Variants in SLC24A1 observed in about 807,000 individuals in gnomAD.
SLC24A1 encodes sodium/potassium/calcium exchanger 1.
Under a neutral mutation model 88.1 loss-of-function variants are expected in SLC24A1, and 52 were observed. The observed-to-expected ratio is 0.59, with a 90% CI of 0.47 to 0.74. The LOEUF is 0.74. Among genes scored for constraint, SLC24A1 ranks in the 30% least tolerant of loss-of-function variants. SLC24A1 has a pLI of 0.00. For synonymous variants in SLC24A1, 455 were observed against 498.0 expected, an observed-to-expected ratio of 0.91 and a Z score of 1.15; for missense variants, 1,173 against 1,363.3, an observed-to-expected ratio of 0.86 and a Z score of 2.20.
upstream of SLC24A1, among the ~76,000 whole-genome samples, chr15:65,618,562 A>G (rs2074222698): frequency 6.6e-6 from 1 of 152,234 alleles, no homozygotes; most frequent in South Asian, 2.1e-4. Flanking sequence ...TCTGGCATAT[A>G]GGAGGGACAT....
At chr15:65,636,009 A>G (rs1721402825) in intron 2 of SLC24A1, among the ~76,000 whole-genome samples, 2 of 152,228 alleles carry the variant, frequency 1.3e-5, no homozygotes, top group South Asian at 4.1e-4. Flanking sequence ...GCCCTAGATC[A>G]AGCACTATTT....
intron 6 of SLC24A1, among the ~76,000 whole-genome samples, chr15:65,647,917 A>G (rs1266629197): frequency 3.9e-5 from 6 of 152,196 alleles, no homozygotes; most frequent in Admixed American, 3.9e-4. Flanking sequence ...CCCACCCTCA[A>G]CCAATGAAGT....
At chr15:65,628,541 C>T (rs74021153) in intron 2 of SLC24A1, among the ~76,000 whole-genome samples, 85 of 152,328 alleles carry the variant, frequency 5.6e-4, no homozygotes, top group African/African-American at 2.0e-3. Flanking sequence ...TCCATACATA[C>T]ATTGTCTTAA....
At chr15:65,637,404 A>G (rs1212606658) in intron 2 of SLC24A1, among the ~76,000 whole-genome samples, 1 of 152,228 alleles carries the variant, frequency 6.6e-6, no homozygotes, top group African/African-American at 2.4e-5. Context: ...GGAAAGCTTC[A>G]TACAAGAATT....
chr15:65,648,119 G>A (rs2075368765), intron 6 of SLC24A1, among the ~76,000 whole-genome samples: 1 of 152,194 alleles, frequency 6.6e-6, no homozygotes, highest in South Asian at 2.1e-4. Context: ...AATTAGCCAG[G>A]TGTGGTGGCA....
chr15:65,644,937 A>C (rs2075255843), intron 5 of SLC24A1, among the ~76,000 whole-genome samples: 2 of 152,196 alleles, frequency 1.3e-5, no homozygotes, highest in Admixed American at 6.5e-5. Flanking sequence ...CCAGTGAGGG[A>C]AGGCTACCAG....
chr15:65,645,658 T>C lies in SLC24A1; in HGVS notation c.2187T>C (p.Pro729=). 1.9e-6 allele frequency: 3 copies of C among 1,580,960 alleles called. No homozygotes were observed. Among genetic ancestry groups the C allele is most frequent in the Non-Finnish European group, 2.6e-6 (3 of 1,163,362 alleles). Residue 729 remains proline (P), a synonymous_variant, in exon 6 of 10, where the codon CCT becomes CCC. Coordinates refer to ENST00000261892, the MANE Select transcript of SLC24A1 (RefSeq NM_004727.3). ...KLPAVTVTPA[P]VPDIKGDQKE... ...CTGCGGTCACGGTCACACCAGCCCC[T>C]GTTCCAGACATCAAGGGAGATCAGA... is the stretch of plus-strand genomic sequence containing the variant.
upstream of SLC24A1, among the ~76,000 whole-genome samples, chr15:65,619,847 T>C (rs2074263906): frequency 6.6e-6 from 1 of 152,120 alleles, no homozygotes; most frequent in Non-Finnish European, 1.5e-5. Context: ...CCCCATCTGT[T>C]CTTCCATCCT....
At chr15:65,660,039 T>A, downstream of SLC24A1, 1 of 432,500 alleles carries the variant, frequency 2.3e-6, no homozygotes, top group Non-Finnish European at 4.1e-6. Flanking sequence ...TTATCACCAG[T>A]GCCAAAAGCC....
upstream of SLC24A1, among the ~76,000 whole-genome samples, chr15:65,618,005 C>T (rs536227291): frequency 6.6e-6 from 1 of 152,228 alleles, no homozygotes; most frequent in East Asian, 1.9e-4. Flanking sequence ...CTGCATCAGG[C>T]AAAATTCAAA....
rs2075634047 is a variant in SLC24A1, at chr15:65,655,031, A to G, written c.*952A>G. The G allele has an allele frequency of 9.6e-7, 1 of 1,046,608 alleles. No individual in the cohort carries two copies. The highest frequency in any genetic ancestry group is 1.7e-5 in the African/African-American group (1 of 57,652). The allele number at this position is 1,046,608 out of a possible 1,614,324, so 64.8% of individuals were successfully genotyped here. A position where few individuals can be genotyped will look rare whatever the true frequency, so the allele number is the denominator to read the frequency against. ...CCTTGAATTGGAAGGAATGGAGATT[A>G]GGGAAGGAAAACTACTCTAGAGGCC... On this transcript the variant is annotated 3_prime_UTR_variant, in exon 10 of 10. Coordinates refer to ENST00000261892, the MANE Select transcript of SLC24A1 (RefSeq NM_004727.3).
intron 2 of SLC24A1, among the ~76,000 whole-genome samples, chr15:65,632,680 T>A (rs2074771368): frequency 6.6e-6 from 1 of 152,214 alleles, no homozygotes; most frequent in Non-Finnish European, 1.5e-5. Context: ...TGAACATCTT[T>A]GTATGAGGCC....
At chr15:65,613,601 C>T (rs1286080180) in intron 2 of SLC24A1, among the ~76,000 whole-genome samples, 1 of 152,002 alleles carries the variant, frequency 6.6e-6, no homozygotes, top group African/African-American at 2.4e-5. Context: ...CCCCCAACCT[C>T]AACCTCCCAC....
intron 4 of SLC24A1, among the ~76,000 whole-genome samples, chr15:65,641,427 G>A (rs1181926103): frequency 2.0e-5 from 3 of 152,062 alleles, no homozygotes; most frequent in Admixed American, 6.6e-5. Context: ...TCAAAGACAA[G>A]TGATGAAACC....
At chr15:65,622,418 A>G (rs1424817027) in intron 1 of SLC24A1, among the ~76,000 whole-genome samples, 1 of 152,164 alleles carries the variant, frequency 6.6e-6, no homozygotes, top group Non-Finnish European at 1.5e-5. Context: ...TAGGAGGCTC[A>G]TCTGCTTGGC....
chr15:65,636,252 C>T (rs552784107), intron 2 of SLC24A1, among the ~76,000 whole-genome samples: 3 of 152,178 alleles, frequency 2.0e-5, no homozygotes, highest in African/African-American at 4.8e-5. Context: ...CCCAGTAGTT[C>T]GAGACCAGGT....
At chr15:65,637,059 C>T (rs1486778535) in intron 2 of SLC24A1, among the ~76,000 whole-genome samples, 1 of 151,762 alleles carries the variant, frequency 6.6e-6, no homozygotes, top group Non-Finnish European at 1.5e-5. Flanking sequence ...GTAGAGTCTA[C>T]ATGTAGCTGG....
At position 65,644,485 on chromosome 15, in the gene SLC24A1, C is replaced by T. The variant is rs1387333970; in HGVS notation, c.2112C>T (p.Pro704=). Residue 704 remains proline (P), a synonymous_variant, in exon 5 of 10, where the codon CCC becomes CCT. Coordinates refer to ENST00000261892, the MANE Select transcript of SLC24A1 (RefSeq NM_004727.3). ...TGAATCAAGGGGCCAGAGCCCAACC[C>T]CAGGCCAAAGCAGAAAGCAAACCAG... ...ESLNQGARAQ[P]QAKAESKPEE... is the part of the protein sequence containing the mutation. The T allele has an allele frequency of 6.3e-7, 1 of 1,594,552 alleles. No homozygotes were observed. The highest frequency in any genetic ancestry group is 8.5e-7 in the Non-Finnish European group (1 of 1,170,796).
intron 4 of SLC24A1, chr15:65,642,901 C>A: frequency 2.3e-6 from 2 of 853,036 alleles, no homozygotes; most frequent in Non-Finnish European, 3.4e-6. Flanking sequence ...CCAGCTTCTC[C>A]GTTTCCTCTC....
Sources: allele counts gnomAD v4.1 joint callset (sites outside exome capture counted in the v4.1 genomes callset), GRCh38; gene constraint gnomAD v4.1.1; transcripts MANE v1.5; gene names NCBI Gene and HGNC (gene_info 2026-07-23, HGNC 2026-07-21).